The following SLCO3A1 variants were observed in gnomAD, a reference collection of about 807,000 sequenced individuals.
SLCO3A1 encodes the protein PGE1 transporter.
A neutral mutation model predicts 63.1 loss-of-function variants in SLCO3A1; 27 were observed. The observed-to-expected ratio is 0.43, with a 90% CI of 0.32 to 0.59. The LOEUF is 0.59. Among genes scored for constraint, SLCO3A1 ranks in the 20% least tolerant of loss-of-function variants. The pLI is 0.09. For missense variants in SLCO3A1, 773 were observed against 945.8 expected (o/e 0.82, Z 2.40); for synonymous variants, 473 against 409.9 (o/e 1.15, Z -1.86).
At chr15:92,077,716 CTG>C (rs2047295877) in intron 2 of SLCO3A1, among the ~76,000 whole-genome samples, 1 of 152,232 alleles carries the variant, frequency 6.6e-6, no homozygotes, top group Non-Finnish European at 1.5e-5. Context: ...CCTCAGGACC[CTG>C]GGCTTCCCAG....
chr15:91,886,445 G>GT lies in SLCO3A1; in HGVS notation c.181-29546dup, dbSNP rs1897726822. Among the ~76,000 whole-genome samples the GT allele has an allele frequency of 6.6e-6, 1 of 152,166 alleles. No individual in the cohort carries two copies. Among genetic ancestry groups the GT allele is most frequent in the Non-Finnish European group, 1.5e-5 (1 of 68,030 alleles). Reference sequence around the variant, plus strand: ...CCTGTTTGTGTCCACATCAGCGTGAGTTGTGTGAAGTCCTCAGCAGTGCTC... The same window carrying GT: ...CCTGTTTGTGTCCACATCAGCGTGAGTTTGTGTGAAGTCCTCAGCAGTGCTC... On this transcript the variant is annotated intron_variant, in intron 1 of 9. Coordinates refer to ENST00000318445, the MANE Select transcript of SLCO3A1 (RefSeq NM_013272.4). The surrounding 1 kb of genome is among the most constrained non-coding windows in gnomAD (Gnocchi z 4.9).
chr15:92,010,438 C>T (rs1351978038), intron 2 of SLCO3A1, among the ~76,000 whole-genome samples: 2 of 152,162 alleles, frequency 1.3e-5, no homozygotes, highest in Non-Finnish European at 2.9e-5. Flanking sequence ...GGTCTAGGGA[C>T]CCTTTTTCAC....
chr15:92,067,292 G>A (rs1181402012), intron 2 of SLCO3A1, among the ~76,000 whole-genome samples: 2 of 152,166 alleles, frequency 1.3e-5, no homozygotes, highest in African/African-American at 4.8e-5. Flanking sequence ...CCCCAGTGAG[G>A]CCAAGTTCGA....
At chr15:92,144,870 G>A (rs1010891955) in intron 7 of SLCO3A1, among the ~76,000 whole-genome samples, 3 of 152,174 alleles carry the variant, frequency 2.0e-5, no homozygotes, top group South Asian at 4.1e-4. Flanking sequence ...GAAGGATCTG[G>A]GCTAAAGATG....
chr15:91,940,622 G>C (rs1899586992), intron 2 of SLCO3A1, among the ~76,000 whole-genome samples: 1 of 152,192 alleles, frequency 6.6e-6, no homozygotes, highest in African/African-American at 2.4e-5. Flanking sequence ...GGCACCCTCT[G>C]TCACTCAAAA....
At chr15:92,095,723 T>A (rs2047530566) in intron 3 of SLCO3A1, among the ~76,000 whole-genome samples, 1 of 151,840 alleles carries the variant, frequency 6.6e-6, no homozygotes, top group African/African-American at 2.4e-5. Context: ...AGGTCAGCAG[T>A]GTCAGGGTCA....
At chr15:92,039,251 GCTT>G (rs1342058414) in intron 2 of SLCO3A1, among the ~76,000 whole-genome samples, 1 of 152,140 alleles carries the variant, frequency 6.6e-6, no homozygotes, top group Non-Finnish European at 1.5e-5. Context: ...AAACTAAAGA[GCTT>G]CTGCATAGCA....
chr15:92,152,545 T>TGTA (rs1229974021), intron 9 of SLCO3A1, among the ~76,000 whole-genome samples: 1 of 152,218 alleles, frequency 6.6e-6, no homozygotes, highest in East Asian at 1.9e-4. Context: ...CCTGGGAAGC[T>TGTA]GTAGTAGCAT....
At chr15:91,957,704 T>C (rs1900290578) in intron 2 of SLCO3A1, among the ~76,000 whole-genome samples, 1 of 152,222 alleles carries the variant, frequency 6.6e-6, no homozygotes, top group Non-Finnish European at 1.5e-5. Context: ...GTTGTATCCC[T>C]GTTGTCATGC....
At chr15:92,095,103 T>TG (rs879601279) in intron 3 of SLCO3A1, 124 bp downstream of exon 3, 229,888 of 652,548 alleles carry the variant, frequency 0.35, 42,779 homozygotes, top group East Asian at 0.44. Context: ...CCTGCCTCTG[T>TG]AGCTGGGGCT....
intron 1 of SLCO3A1, among the ~76,000 whole-genome samples, chr15:91,913,485 C>T (rs1567182436): frequency 6.6e-6 from 1 of 152,208 alleles, no homozygotes; most frequent in African/African-American, 2.4e-5. Context: ...TTTAGTGCTC[C>T]CCGAGTGCCT....
chr15:91,932,531 C>T (rs951748355), intron 2 of SLCO3A1, among the ~76,000 whole-genome samples: 4 of 152,022 alleles, frequency 2.6e-5, no homozygotes, highest in African/African-American at 9.7e-5. Context: ...CAGGAACCTC[C>T]ACCTCCCAGG....
intron 6 of SLCO3A1, 100 bp from the exon 7 acceptor site, chr15:92,128,251 C>T (rs1400301927): frequency 7.3e-7 from 1 of 1,378,206 alleles, no homozygotes; most frequent in Middle Eastern, 1.8e-4. Flanking sequence ...AGCAGGGTAC[C>T]ACGCGACTCA....
At chr15:91,971,412 C>CAAAAAAAAAAAAAAAAAAAAAAAAAAAA (rs1193750050) in intron 2 of SLCO3A1, among the ~76,000 whole-genome samples, 3 of 43,212 alleles carry the variant, frequency 6.9e-5, no homozygotes, top group Non-Finnish European at 1.0e-4. Flanking sequence ...AAAAAAAAAG[C>CAAAAAAAAAAAAAAAAAAAAAAAAAAAA]AACCTCTTCC....
intron 2 of SLCO3A1, among the ~76,000 whole-genome samples, chr15:91,981,286 G>A (rs1021637597): frequency 7.2e-5 from 11 of 152,286 alleles, no homozygotes; most frequent in Middle Eastern, 3.4e-3. Flanking sequence ...GCTCACCTCT[G>A]ACTATGACAC....
chr15:92,034,329 G>T (rs1193374023), intron 2 of SLCO3A1, among the ~76,000 whole-genome samples: 1 of 151,044 alleles, frequency 6.6e-6, no homozygotes, highest in South Asian at 2.1e-4. Flanking sequence ...AATGGATGGG[G>T]ATGGCTCAGA....
At chr15:91,907,403 A>T (rs111793868) in intron 1 of SLCO3A1, among the ~76,000 whole-genome samples, 131 of 151,718 alleles carry the variant, frequency 8.6e-4, no homozygotes, top group Middle Eastern at 3.4e-3. Flanking sequence ...ATGGGGTTTC[A>T]CCATGTTGTC....
chr15:91,932,308 A>G (rs1165268795), intron 2 of SLCO3A1, among the ~76,000 whole-genome samples: 1 of 152,206 alleles, frequency 6.6e-6, no homozygotes, highest in East Asian at 1.9e-4. Flanking sequence ...CAAAATTAAA[A>G]AGGATGGTTG....
chr15:92,074,137 C>T (rs2047248483), intron 2 of SLCO3A1, among the ~76,000 whole-genome samples: 1 of 152,228 alleles, frequency 6.6e-6, no homozygotes, highest in South Asian at 2.1e-4. Flanking sequence ...TCCCAGTGTA[C>T]TCCAGCCTGG....
Sources: gnomAD v4.1 joint callset for allele counts (sites outside exome capture counted in the v4.1 genomes callset) on GRCh38, gnomAD v4.1.1 for gene constraint, Gnocchi (gnomAD v3.1) non-coding constraint, MANE v1.5 for transcripts, NCBI Gene and HGNC (gene_info 2026-07-23, HGNC 2026-07-21) for gene names.